Variants in ATP10B observed in about 807,000 individuals in gnomAD.
ATP10B encodes phospholipid-transporting ATPase VB.
Under a neutral mutation model 141.2 loss-of-function variants are expected in ATP10B, and 122 were observed. The ratio of observed to expected loss-of-function variants is 0.86; its 90% CI spans 0.75 to 1.00. ATP10B has a LOEUF of 1.00. Among genes scored for constraint, ATP10B ranks in the 50% least tolerant of loss-of-function variants. ATP10B has a pLI of 0.00. For synonymous variants in ATP10B, 685 were observed against 692.0 expected (o/e 0.99, Z 0.16); for missense variants, 1,876 against 1,825.3 (o/e 1.03, Z -0.51).
chr5:160,757,228 C>T (rs1009253263), intron 2 of ATP10B, among the ~76,000 whole-genome samples: 25 of 152,112 alleles, frequency 1.6e-4, no homozygotes, highest in Admixed American at 1.6e-3. Context: ...GCTGTGGTAC[C>T]TTTGTCAAAA....
the ATP10B span, among the ~76,000 whole-genome samples, chr5:160,873,551 C>A: frequency 6.6e-6 from 1 of 152,318 alleles, no homozygotes; most frequent in African/African-American, 2.4e-5. Context: ...CGAATAGGAA[C>A]AGCTCCGGTC....
At chr5:160,797,571 T>C (rs951902049) in intron 1 of ATP10B, among the ~76,000 whole-genome samples, 2 of 152,216 alleles carry the variant, frequency 1.3e-5, no homozygotes, top group Non-Finnish European at 2.9e-5. Context: ...GTGCCTAGCA[T>C]TTGGCCTTTC....
intron 15 of ATP10B, among the ~76,000 whole-genome samples, chr5:160,619,794 G>A (rs1275357346): frequency 6.6e-6 from 1 of 152,112 alleles, no homozygotes; most frequent in Non-Finnish European, 1.5e-5. Flanking sequence ...GGGGAGGCTG[G>A]GGAAAAGGAT....
At chr5:160,616,112 A>C (rs1757984793) in intron 16 of ATP10B, 148 bp from the exon 17 acceptor site, 1 of 787,498 alleles carries the variant, frequency 1.3e-6, no homozygotes, top group Non-Finnish European at 1.9e-6. Context: ...CTTTTTTTTA[A>C]ATATGTAAAT....
chr5:160,615,091 G>A (rs1757922759), intron 17 of ATP10B, among the ~76,000 whole-genome samples: 1 of 152,146 alleles, frequency 6.6e-6, no homozygotes, highest in South Asian at 2.1e-4. Context: ...CCATGCTGCA[G>A]CAAGCAGCAG....
intron 7 of ATP10B, among the ~76,000 whole-genome samples, chr5:160,654,300 A>C (rs1761322603): frequency 6.6e-6 from 1 of 151,784 alleles, no homozygotes; most frequent in South Asian, 2.1e-4. Flanking sequence ...GGAGTTTCTG[A>C]TTCCCTTGTG....
intron 2 of ATP10B, among the ~76,000 whole-genome samples, chr5:160,725,000 T>C (rs1332389000): frequency 2.0e-5 from 3 of 152,262 alleles, no homozygotes; most frequent in Non-Finnish European, 4.4e-5. Context: ...GTTTTGTTCA[T>C]TGCTTTTTCC....
rs1218563455 is a variant in ATP10B at position 160,653,432 on chromosome 5, G to T, written c.676-4176C>A. ...ATACATAGGTAGTATATATACATAT[G>T]TACATACATACATAGGTAGTATATA... On this transcript the variant is annotated intron_variant, in intron 7 of 25. Transcript: ENST00000327245. Among the ~76,000 whole-genome samples the T allele has an allele frequency of 2.9e-4, 11 of 37,456 alleles. 1 individual carries two copies. Among genetic ancestry groups the T allele is most frequent in the Non-Finnish European group, 3.5e-4 (7 of 19,734 alleles). 24.6% of individuals were successfully genotyped at this position (37,456 alleles called of 152,430 possible).
At chr5:160,837,013 C>T (rs143985739) in intron 1 of ATP10B, among the ~76,000 whole-genome samples, 1 of 152,202 alleles carries the variant, frequency 6.6e-6, no homozygotes, top group East Asian at 1.9e-4. Context: ...CAACCCTTTG[C>T]GAAAATCATA....
At chr5:160,724,249 T>A (rs1232067792) in intron 2 of ATP10B, among the ~76,000 whole-genome samples, 3 of 142,180 alleles carry the variant, frequency 2.1e-5, no homozygotes, top group African/African-American at 7.8e-5. Flanking sequence ...AAGCTATAAT[T>A]CCTTTTTTTT....
chr5:160,871,327 G>A, the ATP10B span, among the ~76,000 whole-genome samples: 1 of 151,956 alleles, frequency 6.6e-6, no homozygotes, highest in African/African-American at 2.4e-5. Context: ...TTACTCAATT[G>A]TTGTTATAAT....
At chr5:160,779,465 G>T (rs1770574774) in intron 2 of ATP10B, among the ~76,000 whole-genome samples, 1 of 152,134 alleles carries the variant, frequency 6.6e-6, no homozygotes. Flanking sequence ...CTAAAGGAGA[G>T]GGCAAGCTGG....
At chr5:160,840,505 T>C (rs1489944823) in intron 1 of ATP10B, among the ~76,000 whole-genome samples, 3 of 152,100 alleles carry the variant, frequency 2.0e-5, no homozygotes, top group African/African-American at 7.2e-5. Context: ...ATAACCATTT[T>C]TTCACAAATA....
the ATP10B span, among the ~76,000 whole-genome samples, chr5:160,875,425 A>G: frequency 8.7e-6 from 1 of 114,598 alleles, no homozygotes; most frequent in East Asian, 3.3e-4. Flanking sequence ...AGCCACTGCA[A>G]AATCATGCCA....
At position 160,612,793 on chromosome 5, in the gene ATP10B, C is replaced by T; in HGVS notation, c.2786G>A (p.Cys929Tyr). 1 of 1,614,028 alleles carries T rather than the reference C, an allele frequency of 6.2e-7. No individual in the cohort carries two copies. Among genetic ancestry groups the T allele is most frequent in the South Asian group, 1.1e-5 (1 of 91,056 alleles). ...AGTGTCGGTCTGATTTAACAGTCTG[C>T]AGGAATGGGCAATGTTGACCGCTGT... The part of the protein sequence containing the change: ...QETAVNIAHS[C>Y]RLLNQTDTVY... The change falls in exon 18 of 26, where the codon TGC becomes TAC. Residue 929 changes from cysteine (C) to tyrosine (Y), a missense_variant. Cys to Tyr is a radical substitution (Grantham distance 194). Coordinates refer to ENST00000327245, the MANE Select transcript of ATP10B (RefSeq NM_025153.3).
intron 13 of ATP10B, among the ~76,000 whole-genome samples, chr5:160,628,780 A>G (rs554848797): frequency 2.0e-5 from 3 of 151,990 alleles, no homozygotes; most frequent in Middle Eastern, 3.4e-3. Context: ...AGACAAGGAG[A>G]AAAAAAACCC....
intron 19 of ATP10B, 70 bp from the exon 20 acceptor site, chr5:160,604,111 G>C (rs978339978): frequency 1.8e-6 from 2 of 1,111,450 alleles, no homozygotes; most frequent in African/African-American, 3.1e-5. Flanking sequence ...TAGCTCTAAA[G>C]TGTCCCCAGT....
chr5:160,886,233 G>A, the ATP10B span, among the ~76,000 whole-genome samples: 13 of 152,342 alleles, frequency 8.5e-5, no homozygotes, highest in African/African-American at 3.1e-4. Flanking sequence ...AAGGCAAAAT[G>A]ACATGGGTGC....
chr5:160,657,630 T>C (rs2127707896), intron 7 of ATP10B, among the ~76,000 whole-genome samples: 1 of 152,288 alleles, frequency 6.6e-6, no homozygotes, highest in Admixed American at 6.5e-5. Flanking sequence ...GATCTTGCTA[T>C]GGCATTTCCT....
Sources: allele counts gnomAD v4.1 joint callset (sites outside exome capture counted in the v4.1 genomes callset), GRCh38; gene constraint gnomAD v4.1.1; transcripts MANE v1.5; gene names NCBI Gene and HGNC (gene_info 2026-07-23, HGNC 2026-07-21).